Variants in MIDEAS observed in about 807,000 individuals in gnomAD.
MIDEAS encodes the protein mitotic deacetylase associated SANT domain protein.
Under a neutral mutation model 102.7 loss-of-function variants are expected in MIDEAS, and 26 were observed. The ratio of observed to expected loss-of-function variants is 0.25; its 90% CI spans 0.19 to 0.35. The LOEUF (loss-of-function observed/expected upper bound fraction) is 0.35. Among genes scored for constraint, MIDEAS ranks in the 10% least tolerant of loss-of-function variants. The pLI, the probability that MIDEAS is intolerant of heterozygous loss-of-function variation, is 1.00. For synonymous variants in MIDEAS, 585 were observed against 591.0 expected (o/e 0.99, Z 0.15); for missense variants, 1,231 against 1,435.6 (o/e 0.86, Z 2.30).
chr14:73,740,177 G>C lies in MIDEAS; in HGVS notation c.-169C>G. ...CGGACACTGGGAGAAAGAACTGCTG[G>C]CTCTTCCTTTCTCTTCCAGAGAGGC... On this transcript the variant is annotated 5_prime_UTR_variant, in exon 2 of 13. Transcript: ENST00000423556. 1 of 775,878 alleles carries C rather than the reference G, an allele frequency of 1.3e-6. No homozygotes were observed. The highest frequency in any genetic ancestry group is 1.8e-6 in the Non-Finnish European group (1 of 561,156). The allele number at this position is 775,878 out of a possible 1,614,324, so 48.1% of individuals were successfully genotyped here.
Position 73,718,552 on chromosome 14 carries a change from G to T in MIDEAS, c.*291C>A. On this transcript the variant is annotated 3_prime_UTR_variant, in exon 13 of 13. Transcript: ENST00000423556. The stretch of plus-strand genomic sequence containing the variant: ...CAGAGCAGCAGAAATCGGAGTGTGA[G>T]AGGCGGTGGAGTCCCTCCCGAGGGG... 1 of 289,914 alleles carries T rather than the reference G, an allele frequency of 3.4e-6. No homozygotes were observed. Among genetic ancestry groups the T allele is most frequent in the African/African-American group, 2.2e-5 (1 of 45,948 alleles). The allele number at this position is 289,914 out of a possible 1,614,324, so 18.0% of individuals were successfully genotyped here.
intron 1 of MIDEAS, among the ~76,000 whole-genome samples, chr14:73,741,390 G>T (rs948334069): frequency 1.3e-5 from 2 of 151,966 alleles, no homozygotes; most frequent in Non-Finnish European, 2.9e-5. Context: ...GTTGGTGGGG[G>T]TGGGAGCTAC....
chr14:73,735,841 T>G (rs564257975), intron 3 of MIDEAS, among the ~76,000 whole-genome samples: 105 of 152,372 alleles, frequency 6.9e-4, no homozygotes, highest in African/African-American at 2.3e-3. Flanking sequence ...ATCACACTTG[T>G]ATCTCATAAC....
At chr14:73,770,181 A>C (rs915773227) in intron 1 of MIDEAS, among the ~76,000 whole-genome samples, 1 of 152,182 alleles carries the variant, frequency 6.6e-6, no homozygotes, top group Non-Finnish European at 1.5e-5. Flanking sequence ...CATTTGGTGA[A>C]GTCATGTTAA....
In MIDEAS at chr14:73,722,565, G is replaced by A. The variant is rs534978670; in HGVS notation, c.2724+133C>T. On this transcript the variant is annotated intron_variant, in intron 10 of 12. Transcript: ENST00000423556. ...AACCCAGCGGTCCAGGGCTCCTTGC[G>A]GCTGTCAGGGACACTGTCTTCCTCA... 2.7e-4 allele frequency: 285 copies of A among 1,055,888 alleles called. 2 individuals carry two copies. The highest frequency in any genetic ancestry group is 2.7e-3 in the South Asian group (171 of 64,350). The allele number at this position is 1,055,888 out of a possible 1,614,324, so 65.4% of individuals were successfully genotyped here.
chr14:73,751,170 C>T (rs1418722911), intron 1 of MIDEAS, among the ~76,000 whole-genome samples: 1 of 152,230 alleles, frequency 6.6e-6, no homozygotes, highest in Non-Finnish European at 1.5e-5. Context: ...GGTATTATTA[C>T]TCCTCCTTTC....
At chr14:73,786,935 C>T (rs1435330387) in intron 1 of MIDEAS, among the ~76,000 whole-genome samples, 2 of 151,870 alleles carry the variant, frequency 1.3e-5, no homozygotes, top group African/African-American at 4.8e-5. Context: ...CCCGGCGCCC[C>T]GACCCCGGCC....
chr14:73,776,964 G>A (rs1046885934), intron 1 of MIDEAS, among the ~76,000 whole-genome samples: 2 of 151,888 alleles, frequency 1.3e-5, no homozygotes, highest in Non-Finnish European at 1.5e-5. Context: ...CCAGCTACTC[G>A]GGACGCTGAG....
chr14:73,734,426 GA>G (rs1314490472), intron 3 of MIDEAS, among the ~76,000 whole-genome samples: 1 of 151,934 alleles, frequency 6.6e-6, no homozygotes, highest in African/African-American at 2.4e-5. Context: ...GTTTTGTTTT[GA>G]AAAGGGGTCT....
chr14:73,721,583 CG>C (rs540068598), intron 10 of MIDEAS, 74 bp from the exon 11 acceptor site: 15 of 1,431,638 alleles, frequency 1.0e-5, no homozygotes, highest in Admixed American at 6.8e-5. Flanking sequence ...CTGACCCGGC[CG>C]GGGGGTTCAC....
chr14:73,764,356 A>C (rs1386979143), upstream of MIDEAS, among the ~76,000 whole-genome samples: 11 of 151,322 alleles, frequency 7.3e-5, no homozygotes, highest in Admixed American at 2.0e-4. Flanking sequence ...AAAAAAAAAA[A>C]AAAAAAACAA....
upstream of MIDEAS, chr14:73,789,092 C>T (rs1447395029): frequency 2.0e-5 from 3 of 152,112 alleles, no homozygotes; most frequent in East Asian, 5.8e-4. Context: ...AAGATGCGCC[C>T]CCTGCCAATG....
chr14:73,769,982 G>A (rs2140167028), intron 1 of MIDEAS, among the ~76,000 whole-genome samples: 1 of 148,950 alleles, frequency 6.7e-6, no homozygotes, highest in South Asian at 2.1e-4. Context: ...AGTTTAAAAC[G>A]CTGACCAGGT....
At position 73,729,952 on chromosome 14, in the gene MIDEAS, G is replaced by T. The variant is rs75954487; in HGVS notation, c.1783C>A (p.Pro595Thr). Residue 595 changes from proline to threonine, a missense_variant, in exon 4 of 13, where the codon CCT becomes ACT. Pro to Thr is a conservative substitution (Grantham distance 38). Around this residue, in one of 5 missense-constraint regions of MIDEAS, gnomAD observed 758 missense variants for 856.0 expected, o/e 0.89. Transcript: ENST00000423556. ...CGCTGCTTTGGTTTCCGCACGGAAG[G>T]CTCCCCCTCCAACTTGACATTCATG... Reference protein sequence around the residue: ...EDMNVKLEGEPSVRKPKQRPR... With the variant: ...EDMNVKLEGETSVRKPKQRPR... 4 of 1,600,928 alleles carry T rather than the reference G, an allele frequency of 2.5e-6. No individual in the cohort carries two copies. The highest frequency in any genetic ancestry group is 2.7e-5 in the African/African-American group (2 of 74,764).
intron 7 of MIDEAS, 126 bp downstream of exon 7, chr14:73,726,478 T>C: frequency 1.1e-6 from 1 of 914,222 alleles, no homozygotes; most frequent in Non-Finnish European, 1.7e-6. Flanking sequence ...TACAGCCCCT[T>C]CCTTAGTCAG....
In MIDEAS at chr14:73,759,069, G is replaced by C. The variant is rs1412443079; in HGVS notation, c.-248+694C>G. 5.3e-5 allele frequency among the ~76,000 whole-genome samples: 8 copies of C among 152,098 alleles called. No individual in the cohort carries two copies. Among genetic ancestry groups the C allele is most frequent in the Non-Finnish European group, 1.2e-4 (8 of 67,986 alleles). ...CGGGCTGGGAGGGCTGCGGCGGCGC[G>C]GGCGTGCGGGGGCGCGCGGGAGGAT... On this transcript the variant is annotated intron_variant, in intron 1 of 12. Coordinates refer to ENST00000423556, the MANE Select transcript of MIDEAS (RefSeq NM_001367710.1). This position sits in a 1 kb window ranked among gnomAD's most constrained non-coding sequence, Gnocchi z 6.7.
chr14:73,774,185 A>C (rs996286799), intron 1 of MIDEAS, among the ~76,000 whole-genome samples: 3 of 151,728 alleles, frequency 2.0e-5, no homozygotes. Context: ...CCATAAAGAC[A>C]CCGCCTGCCA....
At chr14:73,788,188 TG>T (rs1255504705), upstream of MIDEAS, among the ~76,000 whole-genome samples, 1 of 150,478 alleles carries the variant, frequency 6.6e-6, no homozygotes, top group East Asian at 1.9e-4. Flanking sequence ...GAAACTGCAG[TG>T]AAGGGCTTTC....
At chr14:73,730,580 T>C (rs372444513) in intron 3 of MIDEAS, among the ~76,000 whole-genome samples, 13 of 152,214 alleles carry the variant, frequency 8.5e-5, no homozygotes, top group South Asian at 6.2e-4. Context: ...TCAGTAAATA[T>C]TGGCTGTTAT....
Sources: gnomAD v4.1 joint callset for allele counts (sites outside exome capture counted in the v4.1 genomes callset) on GRCh38, gnomAD v4.1.1 for gene constraint, gnomAD v4.1.1 regional missense constraint, Gnocchi (gnomAD v3.1) non-coding constraint, MANE v1.5 for transcripts, NCBI Gene and HGNC (gene_info 2026-07-23, HGNC 2026-07-21) for gene names.